Variants in CLNK observed in about 807,000 individuals in gnomAD.
The protein encoded by CLNK is cytokine dependent hematopoietic cell linker.
Under a neutral mutation model 68.6 loss-of-function variants are expected in CLNK, and 74 were observed. That is an observed-to-expected ratio of 1.08 (90% CI 0.89 to 1.31). CLNK has a LOEUF of 1.31. CLNK is among the 50% of genes most tolerant of loss of function. The pLI is 0.00. For missense variants in CLNK, 553 were observed against 515.3 expected (o/e 1.07, Z -0.71); for synonymous variants, 198 against 172.2 (o/e 1.15, Z -1.17).
intron 2 of CLNK, among the ~76,000 whole-genome samples, chr4:10,625,506 G>T (rs971516592): frequency 2.0e-5 from 3 of 152,194 alleles, no homozygotes; most frequent in Admixed American, 6.5e-5. Flanking sequence ...GATGGTTATT[G>T]TACTACAGGC....
At chr4:10,672,298 T>G (rs1476910087) in intron 1 of CLNK, among the ~76,000 whole-genome samples, 1 of 152,228 alleles carries the variant, frequency 6.6e-6, no homozygotes, top group Non-Finnish European at 1.5e-5. Flanking sequence ...TCTCTGGATC[T>G]GTGAGTCCAT....
the CLNK span, among the ~76,000 whole-genome samples, chr4:10,721,018 C>T: frequency 6.6e-6 from 1 of 152,060 alleles, no homozygotes; most frequent in Non-Finnish European, 1.5e-5. Flanking sequence ...ACATACACAA[C>T]TTGGGGGACT....
chr4:10,528,228 A>T lies in CLNK; in HGVS notation c.631-134T>A, dbSNP rs1236065397. 2.0e-5 allele frequency: 8 copies of T among 390,310 alleles called. No individual in the cohort carries two copies. The Admixed American group carries it at 2.3e-4, about 11-fold the overall frequency. 24.2% of individuals were successfully genotyped at this position (390,310 alleles called of 1,614,324 possible). On this transcript the variant is annotated intron_variant, in intron 12 of 18. Coordinates refer to ENST00000226951, the MANE Select transcript of CLNK (RefSeq NM_052964.4). ...TTTTGTTAGCATAGTTCGTAGTTTT[A>T]AAAAAATCTACAAATAATTCTTCAT...
At chr4:10,687,204 GAAA>G (rs57990237), upstream of CLNK, among the ~76,000 whole-genome samples, 1 of 140,326 alleles carries the variant, frequency 7.1e-6, no homozygotes. Context: ...ATATAGAGGT[GAAA>G]AAAAAAAAAA....
intron 16 of CLNK, among the ~76,000 whole-genome samples, chr4:10,511,320 A>G (rs902486405): frequency 3.3e-5 from 5 of 152,312 alleles, no homozygotes; most frequent in Non-Finnish European, 5.9e-5. Context: ...CTCAGAATAA[A>G]TCTCTTCAAA....
chr4:10,670,417 A>G (rs146189520), intron 1 of CLNK, among the ~76,000 whole-genome samples: 141 of 152,370 alleles, frequency 9.3e-4, no homozygotes, highest in South Asian at 1.7e-3. Flanking sequence ...TCGAAATGGG[A>G]CAAAATAAAC....
chr4:10,566,186 A>G (rs751859179), intron 5 of CLNK, 36 bp from the exon 6 acceptor site: 2 of 1,610,010 alleles, frequency 1.2e-6, no homozygotes, highest in South Asian at 2.2e-5. Flanking sequence ...AGTCAAAGGA[A>G]GGTACAATGT....
chr4:10,709,273 C>T, the CLNK span, among the ~76,000 whole-genome samples: 1 of 152,206 alleles, frequency 6.6e-6, no homozygotes, highest in South Asian at 2.1e-4. Flanking sequence ...TGAGCACCCA[C>T]TATAATACCC....
In CLNK at chr4:10,640,283, G is replaced by A. The variant is rs1254182489; in HGVS notation, c.11+27576C>T. On this transcript the variant is annotated intron_variant, in intron 2 of 18. Transcript: ENST00000226951. ...CAGTTCAAGAGATTCTCCTGCCTTG[G>A]CCTCCCAAGTAGCTGGGATTATAGG... 2.6e-5 allele frequency among the ~76,000 whole-genome samples: 4 copies of A among 152,094 alleles called. No homozygotes were observed. The East Asian group carries it at 7.7e-4, about 29-fold the overall frequency.
chr4:10,732,276 A>G, the CLNK span, among the ~76,000 whole-genome samples: 2 of 152,338 alleles, frequency 1.3e-5, no homozygotes, highest in South Asian at 4.1e-4. Context: ...CATTTAAGCT[A>G]CATCTGGCAC....
At chr4:10,613,855 AATAGTTCATCTG>A (rs80185253) in intron 2 of CLNK, among the ~76,000 whole-genome samples, 17,552 of 152,202 alleles carry the variant, frequency 0.12, 1,063 homozygotes, top group East Asian at 0.16. Flanking sequence ...TTCCATCCTG[AATAGTTCATCTG>A]ACTCTGTGGC....
At chr4:10,671,820 T>C (rs919627562) in intron 1 of CLNK, among the ~76,000 whole-genome samples, 8 of 152,188 alleles carry the variant, frequency 5.3e-5, no homozygotes, top group African/African-American at 1.9e-4. Flanking sequence ...TATACCCTGA[T>C]CCATTTCCAA....
intron 2 of CLNK, among the ~76,000 whole-genome samples, chr4:10,622,995 C>T (rs930415014): frequency 6.6e-6 from 1 of 152,082 alleles, no homozygotes; most frequent in Admixed American, 6.5e-5. Context: ...CATTTATGTC[C>T]CAAAGTCCCC....
At position 10,558,551 on chromosome 4, in the gene CLNK, C is replaced by T. The variant is rs139291988; in HGVS notation, c.400-99G>A. ...GTGGTTAGGTTCCCAAGGATAAAGCCGTAAGTCCCTGGGCTCTCTGGTTTT... is the reference window on the plus strand; with the variant it reads ...GTGGTTAGGTTCCCAAGGATAAAGCTGTAAGTCCCTGGGCTCTCTGGTTTT... On this transcript the variant is annotated intron_variant, in intron 7 of 18. Transcript: ENST00000226951. The T allele has an allele frequency of 3.6e-4, 409 of 1,130,012 alleles. No homozygotes were observed. The African/African-American group carries it at 5.8e-3, about 16-fold the overall frequency. The allele number at this position is 1,130,012 out of a possible 1,614,324, so 70.0% of individuals were successfully genotyped here.
At chr4:10,615,360 A>G (rs1450199904) in intron 2 of CLNK, among the ~76,000 whole-genome samples, 1 of 152,132 alleles carries the variant, frequency 6.6e-6, no homozygotes, top group Non-Finnish European at 1.5e-5. Context: ...ACATGCCTAT[A>G]ATCCCAGATA....
At chr4:10,593,013 C>T (rs114716862) in intron 3 of CLNK, among the ~76,000 whole-genome samples, 2,632 of 152,226 alleles carry the variant, frequency 0.017, 86 homozygotes, top group African/African-American at 0.06. Context: ...AAGTGTGAGC[C>T]GCAGTGCCCA....
chr4:10,497,825 T>C (rs1716873394), intron 18 of CLNK, among the ~76,000 whole-genome samples: 1 of 152,238 alleles, frequency 6.6e-6, no homozygotes, highest in South Asian at 2.1e-4. Context: ...CCCTGGCACA[T>C]GCAAAGGCAC....
intron 8 of CLNK, among the ~76,000 whole-genome samples, chr4:10,557,076 A>AAAATAAATAAATAAATAAAT (rs145622246): frequency 2.1e-5 from 3 of 139,996 alleles, no homozygotes; most frequent in Admixed American, 7.3e-5. Context: ...ACTCTGTCTC[A>AAAATAAATAAATAAATAAAT]AAATAAATAA....
chr4:10,543,129 T>C, intron 8 of CLNK, among the ~76,000 whole-genome samples: 1 of 152,158 alleles, frequency 6.6e-6, no homozygotes, highest in Middle Eastern at 3.2e-3. Context: ...CATGTTGCCA[T>C]AGGCTTTATA....
Sources: allele counts gnomAD v4.1 joint callset (sites outside exome capture counted in the v4.1 genomes callset), GRCh38; gene constraint gnomAD v4.1.1; transcripts MANE v1.5; gene names NCBI Gene and HGNC (gene_info 2026-07-23, HGNC 2026-07-21).